MPRIP: variants seen among roughly 807,000 people sequenced by gnomAD.
The protein encoded by MPRIP is myosin phosphatase Rho-interacting protein.
Under a neutral mutation model 234.9 loss-of-function variants are expected in MPRIP, and 59 were observed. The observed-to-expected ratio is 0.25, with a 90% CI of 0.20 to 0.31. MPRIP has a LOEUF of 0.31. Among genes scored for constraint, MPRIP ranks in the 10% least tolerant of loss-of-function variants. MPRIP has a pLI of 1.00. For missense variants in MPRIP, 2,436 were observed against 3,071.0 expected, an observed-to-expected ratio of 0.79 and a Z score of 4.89; for synonymous variants, 1,144 against 1,263.9, an observed-to-expected ratio of 0.91 and a Z score of 2.01.
chr17:17,167,134 T>C lies in MPRIP; in HGVS notation c.5543T>C (p.Val1848Ala). ...CAGGATGCCATTATTCAGGCCCAGG[T>C]TTGCTATGCGTCCTGCAGAATCCGG... ...LVQDAIIQAQVCYASCRIRLE... is the reference protein window; with the variant it reads ...LVQDAIIQAQACYASCRIRLE... The change falls in exon 16 of 24, where the codon GTT becomes GCT. Residue 1848 changes from valine to alanine, a missense_variant. Physicochemically the swap from Val to Ala is moderately conservative, Grantham distance 64. This residue lies in a region of MPRIP where 1,998 missense variants were observed against 2,520.3 expected (regional missense o/e 0.79). Coordinates refer to ENST00000651222, the MANE Select transcript of MPRIP (RefSeq NM_001364716.4). This position sits in a 1 kb window ranked among gnomAD's most constrained non-coding sequence, Gnocchi z 5.9. 7.7e-7 allele frequency: 1 copy of C among 1,304,008 alleles called. No homozygotes were observed. The highest frequency in any genetic ancestry group is 1.0e-6 in the Non-Finnish European group (1 of 988,922). The allele number at this position is 1,304,008 out of a possible 1,614,324, so 80.8% of individuals were successfully genotyped here. A position where few individuals can be genotyped will look rare whatever the true frequency, so the allele number is the denominator to read the frequency against.
intron 3 of MPRIP, among the ~76,000 whole-genome samples, chr17:17,085,517 G>A (rs1461550366): frequency 6.6e-6 from 1 of 152,198 alleles, no homozygotes; most frequent in East Asian, 1.9e-4. Context: ...CTTAATACAA[G>A]TTTTAAAATG....
At chr17:17,146,230 G>GCA in intron 10 of MPRIP, 138 bp downstream of exon 10, 1 of 758,026 alleles carries the variant, frequency 1.3e-6, no homozygotes, top group Non-Finnish European at 2.2e-6. Flanking sequence ...GACCAGGGCT[G>GCA]TGGCTGAGAC....
chr17:17,045,416 G>GC (rs2088315587), intron 1 of MPRIP, among the ~76,000 whole-genome samples: 1 of 152,182 alleles, frequency 6.6e-6, no homozygotes, highest in African/African-American at 2.4e-5. Flanking sequence ...GAAGGGACTT[G>GC]GAGATCAGCT....
chr17:17,174,885 C>T (rs927331752), intron 19 of MPRIP, among the ~76,000 whole-genome samples: 3 of 152,078 alleles, frequency 2.0e-5, no homozygotes, highest in Admixed American at 2.0e-4. Flanking sequence ...AGCCAGGATT[C>T]GTTCAATATT....
At chr17:17,075,678 G>A (rs765250024) in intron 1 of MPRIP, 32 bp from the exon 2 acceptor site, 2 of 1,595,338 alleles carry the variant, frequency 1.3e-6, no homozygotes, top group South Asian at 2.2e-5. Flanking sequence ...GTTGAAGGCT[G>A]CTGGTGACCT....
In MPRIP at chr17:17,126,849, A is replaced by G; in HGVS notation, c.415A>G (p.Ser139Gly). The change falls in exon 4 of 24, where the codon AGT (serine) becomes GGT (glycine). Residue 139 changes from serine (S) to glycine (G), a missense_variant. Around this residue, in one of 4 missense-constraint regions of MPRIP, gnomAD observed 140 missense variants for 207.3 expected, o/e 0.68. Coordinates refer to ENST00000651222, the MANE Select transcript of MPRIP (RefSeq NM_001364716.4). ...CCGGGCGGAGACCAAGGAGATCGTC[A>G]GTGGGTGAGTATGCTGGCACTGTGG... is the stretch of plus-strand genomic sequence containing the variant. The part of the protein sequence containing the change: ...FIRAETKEIV[S>G]GWLEMLMVYP... 6.2e-7 allele frequency: 1 copy of G among 1,613,418 alleles called. No individual in the cohort carries two copies. The highest frequency in any genetic ancestry group is 8.5e-7 in the Non-Finnish European group (1 of 1,179,566).
Position 17,042,545 on chromosome 17 carries a change from G to T in MPRIP, c.-304G>T. 2 of 147,640 alleles carry T rather than the reference G, an allele frequency of 1.4e-5. No individual in the cohort carries two copies. The highest frequency in any genetic ancestry group is 3.9e-4 in the South Asian group (2 of 5,076). The allele number at this position is 147,640 out of a possible 1,614,324, so 9.1% of individuals were successfully genotyped here. On this transcript the variant is annotated 5_prime_UTR_variant, in exon 1 of 24. Transcript: ENST00000651222. ...GGCGCGGACGAGCCGGGACGGCGGC[G>T]ACCGGAGCCTGAGAGGCGGGCCGCA...
chr17:17,185,443 C>G lies in MPRIP; in HGVS notation c.*549C>G. ...AGGAGGACAGCATTTTGTATTTGTT[C>G]CACTGATGCAGCTTAGAACCACACC... On this transcript the variant is annotated 3_prime_UTR_variant, in exon 24 of 24. Transcript: ENST00000651222. 4.4e-6 allele frequency: 2 copies of G among 452,200 alleles called. No individual in the cohort carries two copies. The highest frequency in any genetic ancestry group is 8.9e-6 in the Non-Finnish European group (2 of 224,234). The allele number at this position is 452,200 out of a possible 1,614,324, so 28.0% of individuals were successfully genotyped here.
At chr17:17,102,928 G>T (rs1453904427) in intron 3 of MPRIP, among the ~76,000 whole-genome samples, 2 of 152,222 alleles carry the variant, frequency 1.3e-5, no homozygotes, top group African/African-American at 4.8e-5. Flanking sequence ...ACCTCTGTTT[G>T]TCCCGTTTGT....
chr17:17,153,168 G>A (rs974523507), intron 12 of MPRIP, among the ~76,000 whole-genome samples: 64 of 152,290 alleles, frequency 4.2e-4, no homozygotes, highest in African/African-American at 1.5e-3. Context: ...GGCAGTGGTG[G>A]TGTCTTGATC....
chr17:17,122,754 C>G (rs146611473), intron 3 of MPRIP, among the ~76,000 whole-genome samples: 1 of 152,280 alleles, frequency 6.6e-6, no homozygotes, highest in Non-Finnish European at 1.5e-5. Context: ...AAAGTTAGTC[C>G]CAAACCCTCA....
intron 1 of MPRIP, among the ~76,000 whole-genome samples, chr17:17,074,080 G>T (rs1412211553): frequency 2.0e-5 from 3 of 152,234 alleles, no homozygotes; most frequent in Non-Finnish European, 4.4e-5. Context: ...CACGTGGCCT[G>T]CCCTCTCTGA....
intron 23 of MPRIP, chr17:17,182,591 G>A (rs909714520): frequency 1.3e-5 from 2 of 152,250 alleles, no homozygotes; most frequent in Non-Finnish European, 2.9e-5. Flanking sequence ...AGCCAGTGTG[G>A]GAATAACGTA....
chr17:17,148,195 T>G (rs2045520756), intron 11 of MPRIP, among the ~76,000 whole-genome samples: 1 of 152,156 alleles, frequency 6.6e-6, no homozygotes, highest in South Asian at 2.1e-4. Context: ...GTGTGGGCGG[T>G]GGGCCTCTGG....
intron 3 of MPRIP, among the ~76,000 whole-genome samples, chr17:17,100,454 G>A (rs543078877): frequency 1.9e-4 from 29 of 152,318 alleles, no homozygotes; most frequent in African/African-American, 5.8e-4. Flanking sequence ...GTGTATTTCA[G>A]TTCTGCCATC....
chr17:17,137,179 T>G (rs2090718807), intron 6 of MPRIP, among the ~76,000 whole-genome samples: 1 of 152,178 alleles, frequency 6.6e-6, no homozygotes, highest in Admixed American at 6.6e-5. Context: ...GTCTCACTTC[T>G]GTAGAAGTCC....
chr17:17,176,607 C>T (rs1356868619), intron 21 of MPRIP, 95 bp downstream of exon 21: 6 of 962,492 alleles, frequency 6.2e-6, no homozygotes, highest in South Asian at 4.0e-5. Context: ...GCGGGCTCTT[C>T]TGAAGCAGAT....
intron 1 of MPRIP, among the ~76,000 whole-genome samples, chr17:17,055,430 G>T (rs529658449): frequency 4.5e-4 from 69 of 152,264 alleles, no homozygotes; most frequent in Non-Finnish European, 7.2e-4. Context: ...GGGAGATCTG[G>T]CCAGGACGTT....
rs1009498821 is a variant in MPRIP at position 17,164,990 on chromosome 17, A to G, written c.3399A>G (p.Glu1133=). 15 of 1,302,288 alleles carry G rather than the reference A, an allele frequency of 1.2e-5. No homozygotes were observed. Among genetic ancestry groups the G allele is most frequent in the African/African-American group, 1.5e-5 (1 of 65,864 alleles). 80.7% of individuals were successfully genotyped at this position (1,302,288 alleles called of 1,614,324 possible). A position where few individuals can be genotyped will look rare whatever the true frequency, so the allele number is the denominator to read the frequency against. Residue 1133 remains glutamate, a synonymous_variant, in exon 16 of 24, where the codon GAA becomes GAG. Transcript: ENST00000651222. Reference sequence around the variant, plus strand: ...ACGAGGATGTGGCTGAGCTCCGGGAAAAGCTGAGGAGAAGAGAGGCTGACA... The same window carrying G: ...ACGAGGATGTGGCTGAGCTCCGGGAGAAGCTGAGGAGAAGAGAGGCTGACA... The part of the protein sequence containing the change: ...TSDEDVAELR[E]KLRRREADNQ...
Sources: allele counts gnomAD v4.1 joint callset (sites outside exome capture counted in the v4.1 genomes callset), GRCh38; gene constraint gnomAD v4.1.1; regional missense constraint gnomAD v4.1.1; non-coding constraint Gnocchi (gnomAD v3.1); transcripts MANE v1.5; gene names NCBI Gene and HGNC (gene_info 2026-07-23, HGNC 2026-07-21).